Variants in ACVR1C observed in about 807,000 individuals in gnomAD.
ACVR1C encodes activin A receptor type 1C.
In ACVR1C, 23 loss-of-function variants were observed where a neutral mutation model predicts 57.9. That is an observed-to-expected ratio of 0.40 (90% CI 0.29 to 0.56). The LOEUF is 0.56. ACVR1C is among the 20% of genes least tolerant of loss of function. The probability of loss-of-function intolerance (pLI) is 0.50; values close to 1 mark genes in which losing one functional copy is unlikely to be tolerated. For missense variants in ACVR1C, 480 were observed against 607.9 expected (o/e 0.79, Z 2.21); for synonymous variants, 214 against 215.3 (o/e 0.99, Z 0.05).
At chr2:157,551,036 G>A (rs1490750832) in intron 3 of ACVR1C, among the ~76,000 whole-genome samples, 1 of 152,012 alleles carries the variant, frequency 6.6e-6, no homozygotes, top group Non-Finnish European at 1.5e-5. Flanking sequence ...GAATTCTGTC[G>A]CAAATACTTA....
intron 2 of ACVR1C, among the ~76,000 whole-genome samples, chr2:157,580,596 A>C (rs986952399): frequency 2.0e-5 from 3 of 152,238 alleles, no homozygotes; most frequent in African/African-American, 7.2e-5. Flanking sequence ...TGCTGAATAA[A>C]ATATCAATAA....
At chr2:157,534,226 C>A (rs553846715) in intron 8 of ACVR1C, among the ~76,000 whole-genome samples, 183 bp from the exon 9 acceptor site, 5 of 151,782 alleles carry the variant, frequency 3.3e-5, no homozygotes, top group Admixed American at 2.0e-4. Context: ...GCATAACACA[C>A]TACAGCCTCA....
chr2:157,554,273 AAGG>A (rs1573915390), intron 3 of ACVR1C, among the ~76,000 whole-genome samples: 3 of 138,382 alleles, frequency 2.2e-5, no homozygotes, highest in Non-Finnish European at 4.5e-5. Flanking sequence ...GAAAGAAAGG[AAGG>A]AAGGAAGAGA....
At chr2:157,584,977 T>C (rs1688880883) in intron 2 of ACVR1C, among the ~76,000 whole-genome samples, 1 of 152,218 alleles carries the variant, frequency 6.6e-6, no homozygotes, top group Non-Finnish European at 1.5e-5. Context: ...AGAAAGCCAG[T>C]TCCTCCCCCT....
chr2:157,598,991 A>G (rs1443691853), intron 1 of ACVR1C, among the ~76,000 whole-genome samples: 4 of 150,652 alleles, frequency 2.7e-5, no homozygotes, highest in Non-Finnish European at 5.9e-5. Flanking sequence ...GGAAGGGGCA[A>G]TTTTCTGTAG....
intron 2 of ACVR1C, among the ~76,000 whole-genome samples, chr2:157,575,411 G>A (rs1327123203): frequency 6.6e-6 from 1 of 152,194 alleles, no homozygotes; most frequent in Admixed American, 6.5e-5. Context: ...GGGATTACAG[G>A]CTTCAGCCAC....
At chr2:157,554,335 AAGAG>A (rs756117911) in intron 3 of ACVR1C, among the ~76,000 whole-genome samples, 4 of 145,852 alleles carry the variant, frequency 2.7e-5, no homozygotes, top group South Asian at 2.3e-4. Context: ...AAGAAAGAGA[AAGAG>A]AGAAAGAAAG....
Position 157,529,805 on chromosome 2 carries a change from A to G in ACVR1C, c.*4113T>C, listed in dbSNP as rs1193723810. 1 of 152,080 alleles carries G rather than the reference A, an allele frequency of 6.6e-6. No homozygotes were observed. The highest frequency in any genetic ancestry group is 6.6e-5 in the Admixed American group (1 of 15,254). 9.4% of individuals were successfully genotyped at this position (152,080 alleles called of 1,614,324 possible). A position where few individuals can be genotyped will look rare whatever the true frequency, so the allele number is the denominator to read the frequency against. ...ATGAAATATAAAGCAAGGCTAGATGAAAAAAAGAAAGTCAAATATCTATAT... is the reference window on the plus strand; with the variant it reads ...ATGAAATATAAAGCAAGGCTAGATGGAAAAAAGAAAGTCAAATATCTATAT... On this transcript the variant is annotated 3_prime_UTR_variant, in exon 9 of 9. Transcript: ENST00000243349.
At chr2:157,614,536 G>GATATACAAAATCTA (rs1390204778) in intron 1 of ACVR1C, among the ~76,000 whole-genome samples, 5 of 152,224 alleles carry the variant, frequency 3.3e-5, no homozygotes, top group Non-Finnish European at 7.4e-5. Context: ...TTATTTTTTA[G>GATATACAAAATCTA]ATTTTGTATA....
chr2:157,556,657 C>CTTTT (rs1169628343), intron 2 of ACVR1C, among the ~76,000 whole-genome samples: 58 of 87,904 alleles, frequency 6.6e-4, no homozygotes, highest in South Asian at 1.5e-3. Context: ...CAGCAGTACA[C>CTTTT]TTTTTTTTTT....
chr2:157,583,495 G>A (rs558960077), intron 2 of ACVR1C, among the ~76,000 whole-genome samples: 5 of 152,120 alleles, frequency 3.3e-5, no homozygotes, highest in Admixed American at 6.5e-5. Context: ...AAATCTCAGC[G>A]TGTGTTTTTG....
At chr2:157,550,024 A>C in intron 4 of ACVR1C, 138 bp downstream of exon 4, 1 of 783,622 alleles carries the variant, frequency 1.3e-6, no homozygotes, top group Non-Finnish European at 2.0e-6. Context: ...AAAAGAAAGA[A>C]AAGGAAAAGG....
intron 2 of ACVR1C, among the ~76,000 whole-genome samples, chr2:157,581,324 C>G (rs977279513): frequency 4.6e-5 from 7 of 151,288 alleles, no homozygotes; most frequent in African/African-American, 1.5e-4. Flanking sequence ...ATCAAAGATT[C>G]AAAACTTTGA....
rs527726919 is a variant in ACVR1C at position 157,562,063 on chromosome 2, G to A, written c.305-5731C>T. On this transcript the variant is annotated intron_variant, in intron 2 of 8. Coordinates refer to ENST00000243349, the MANE Select transcript of ACVR1C (RefSeq NM_145259.3). ...TGTAATCCTGGCACTTTGGGAGGCC[G>A]AGGTGGGCGGATCATGAGGTAAAGA... 5.3e-5 allele frequency among the ~76,000 whole-genome samples: 8 copies of A among 152,206 alleles called. No individual in the cohort carries two copies. In the East Asian group the frequency reaches 7.7e-4, roughly 15 times the overall value.
intron 2 of ACVR1C, among the ~76,000 whole-genome samples, chr2:157,580,072 C>T (rs1231767863): frequency 1.3e-5 from 2 of 152,026 alleles, no homozygotes; most frequent in African/African-American, 4.8e-5. Flanking sequence ...AATTAACACA[C>T]ACACACACAC....
At chr2:157,597,489 C>T in intron 1 of ACVR1C, 1 of 985,438 alleles carries the variant, frequency 1.0e-6, no homozygotes, top group Non-Finnish European at 1.2e-6. Context: ...TTCCGCTGGA[C>T]CTTGGCGCAG....
intron 2 of ACVR1C, among the ~76,000 whole-genome samples, chr2:157,580,101 G>A (rs751884256): frequency 8.0e-5 from 12 of 150,608 alleles, no homozygotes; most frequent in Non-Finnish European, 1.0e-4. Context: ...ACGCGCGCAC[G>A]CACACACGTG....
chr2:157,551,343 T>C (rs1037332298), intron 3 of ACVR1C, among the ~76,000 whole-genome samples: 4 of 152,178 alleles, frequency 2.6e-5, no homozygotes, highest in African/African-American at 9.7e-5. Flanking sequence ...ATCTGGCATA[T>C]TACATGTTCA....
At chr2:157,616,139 A>G (rs1682644782) in intron 1 of ACVR1C, among the ~76,000 whole-genome samples, 1 of 151,956 alleles carries the variant, frequency 6.6e-6, no homozygotes, top group Non-Finnish European at 1.5e-5. Flanking sequence ...CTAGCATTCC[A>G]TTTACACATA....
Sources: allele counts gnomAD v4.1 joint callset (sites outside exome capture counted in the v4.1 genomes callset), GRCh38; gene constraint gnomAD v4.1.1; transcripts MANE v1.5; gene names NCBI Gene and HGNC (gene_info 2026-07-23, HGNC 2026-07-21).